Variants in MAGI2 observed in about 807,000 individuals in gnomAD.
The protein encoded by MAGI2 is membrane-associated guanylate kinase, WW and PDZ domain-containing protein 2.
Under a neutral mutation model 133.3 loss-of-function variants are expected in MAGI2, and 35 were observed. That is an observed-to-expected ratio of 0.26 (90% confidence interval 0.20 to 0.35). MAGI2 has a LOEUF of 0.35. Ranked by LOEUF, MAGI2 falls within the 10% of genes least tolerant of loss-of-function variation. MAGI2 has a pLI of 1.00. For missense variants in MAGI2, 1,636 were observed against 1,863.4 expected (o/e 0.88, Z 2.25); for synonymous variants, 729 against 710.6 (o/e 1.03, Z -0.41).
chr7:79,084,551 C>T (rs1816319593), intron 1 of MAGI2, among the ~76,000 whole-genome samples: 1 of 151,598 alleles, frequency 6.6e-6, no homozygotes, highest in South Asian at 2.1e-4. Flanking sequence ...TTTACTGATA[C>T]TTGTTTTGTG....
At chr7:79,196,221 A>AAAAT (rs59802052) in intron 1 of MAGI2, among the ~76,000 whole-genome samples, 20,213 of 151,780 alleles carry the variant, frequency 0.13, 2,784 homozygotes, top group African/African-American at 0.34. Flanking sequence ...TGTCAATTTA[A>AAAAT]AAATAAATAA....
intron 16 of MAGI2, among the ~76,000 whole-genome samples, chr7:78,136,827 G>T (rs1409450830): frequency 6.6e-6 from 1 of 152,196 alleles, no homozygotes; most frequent in East Asian, 1.9e-4. Flanking sequence ...AATAACCATG[G>T]CAAGGAAGGA....
At chr7:78,665,332 T>C (rs368741518) in intron 2 of MAGI2, among the ~76,000 whole-genome samples, 4 of 152,268 alleles carry the variant, frequency 2.6e-5, no homozygotes, top group African/African-American at 7.2e-5. Flanking sequence ...CATATACATA[T>C]AGGATAGTTA....
intron 9 of MAGI2, among the ~76,000 whole-genome samples, chr7:78,304,556 G>A (rs1190250572): frequency 6.6e-6 from 1 of 152,100 alleles, no homozygotes; most frequent in Non-Finnish European, 1.5e-5. Flanking sequence ...AATATTTCTT[G>A]AATGTTCTAG....
chr7:78,518,399 A>G (rs535313691), intron 4 of MAGI2: 1 of 152,314 alleles, frequency 6.6e-6, no homozygotes, highest in African/African-American at 2.4e-5. Context: ...AACTCCAGTT[A>G]CTAGGCAAAG....
At chr7:79,250,128 G>GA (rs1156913772) in intron 1 of MAGI2, among the ~76,000 whole-genome samples, 3 of 151,886 alleles carry the variant, frequency 2.0e-5, no homozygotes, top group African/African-American at 7.3e-5. Flanking sequence ...ACTGGGTATA[G>GA]AAAAAACATA....
At chr7:79,101,162 T>C (rs937663790) in intron 1 of MAGI2, among the ~76,000 whole-genome samples, 1 of 152,050 alleles carries the variant, frequency 6.6e-6, no homozygotes, top group Admixed American at 6.6e-5. Context: ...TGAATATAAG[T>C]AAAATAAAAT....
chr7:78,330,614 T>C (rs1437966643), intron 9 of MAGI2, among the ~76,000 whole-genome samples: 2 of 2,106 alleles, frequency 9.5e-4, no homozygotes, highest in African/African-American at 0.011. Context: ...AGACTCCGTC[T>C]CAAAAAAAAA....
At chr7:78,350,248 ACT>A (rs1441750631) in intron 7 of MAGI2, 1 of 151,772 alleles carries the variant, frequency 6.6e-6, no homozygotes, top group Non-Finnish European at 1.5e-5. Context: ...CTGCAGTCTG[ACT>A]CTCTCCTCTC....
chr7:79,360,189 C>A (rs1563150975), intron 1 of MAGI2, among the ~76,000 whole-genome samples: 1 of 152,184 alleles, frequency 6.6e-6, no homozygotes, highest in East Asian at 1.9e-4. Flanking sequence ...AATACCACTA[C>A]CTAAAACAGA....
At chr7:79,196,358 C>T (rs1828082566) in intron 1 of MAGI2, among the ~76,000 whole-genome samples, 1 of 151,944 alleles carries the variant, frequency 6.6e-6, no homozygotes, top group Non-Finnish European at 1.5e-5. Flanking sequence ...GAAAAGCAAT[C>T]AAATGGCACC....
chr7:78,789,080 T>A (rs1301963420), intron 2 of MAGI2, among the ~76,000 whole-genome samples: 1 of 152,226 alleles, frequency 6.6e-6, no homozygotes, highest in Admixed American at 6.5e-5. Flanking sequence ...TAATAACAGT[T>A]CACTTTACAT....
At chr7:78,385,240 T>C (rs1795274576) in intron 6 of MAGI2, among the ~76,000 whole-genome samples, 2 of 152,144 alleles carry the variant, frequency 1.3e-5, no homozygotes, top group Non-Finnish European at 2.9e-5. Flanking sequence ...GTGATTTGGG[T>C]GGAAAAGGAA....
intron 6 of MAGI2, among the ~76,000 whole-genome samples, chr7:78,461,059 C>T (rs1340499388): frequency 6.6e-6 from 1 of 152,086 alleles, no homozygotes; most frequent in African/African-American, 2.4e-5. Flanking sequence ...TCTACCTATC[C>T]TCTTTTCATC....
At chr7:79,299,894 C>T (rs1837258737) in intron 1 of MAGI2, among the ~76,000 whole-genome samples, 1 of 152,108 alleles carries the variant, frequency 6.6e-6, no homozygotes, top group African/African-American at 2.4e-5. Context: ...TCCCCTCACT[C>T]TTTCTCTCTT....
chr7:78,171,479 C>A (rs1228348096), intron 14 of MAGI2, among the ~76,000 whole-genome samples: 1 of 152,164 alleles, frequency 6.6e-6, no homozygotes, highest in Non-Finnish European at 1.5e-5. Flanking sequence ...TTAACAAGCT[C>A]CCAGGAGTTG....
At chr7:78,742,692 T>C (rs1307052627) in intron 2 of MAGI2, among the ~76,000 whole-genome samples, 1 of 152,226 alleles carries the variant, frequency 6.6e-6, no homozygotes, top group Admixed American at 6.5e-5. Context: ...TTCTAGAACC[T>C]TGCCTCTCAT....
intron 1 of MAGI2, among the ~76,000 whole-genome samples, chr7:79,428,728 A>T (rs1436147868): frequency 2.0e-5 from 3 of 152,212 alleles, no homozygotes; most frequent in African/African-American, 7.2e-5. Flanking sequence ...GCAGGCAACT[A>T]TAAATACATC....
At chr7:79,087,146 C>T (rs1816585419) in intron 1 of MAGI2, among the ~76,000 whole-genome samples, 1 of 151,748 alleles carries the variant, frequency 6.6e-6, no homozygotes. Flanking sequence ...AAGGAATTTG[C>T]AATTTCAGAA....
Sources: allele counts gnomAD v4.1 joint callset (sites outside exome capture counted in the v4.1 genomes callset), GRCh38; gene constraint gnomAD v4.1.1; transcripts MANE v1.5; gene names NCBI Gene and HGNC (gene_info 2026-07-23, HGNC 2026-07-21).